ANKRD1: variants seen among roughly 807,000 people sequenced by gnomAD.
ANKRD1 encodes the protein ankyrin repeat domain-containing protein 1.
A neutral mutation model predicts 40.1 loss-of-function variants in ANKRD1; 32 were observed. That is an observed-to-expected ratio of 0.80 (90% confidence interval 0.60 to 1.07). ANKRD1 has a LOEUF of 1.07. Among genes scored for constraint, ANKRD1 ranks in the 50% least tolerant of loss-of-function variants. The pLI, the probability that ANKRD1 is intolerant of heterozygous loss-of-function variation, is 0.00. For synonymous variants in ANKRD1, 149 were observed against 141.2 expected, an observed-to-expected ratio of 1.06 and a Z score of -0.39; for missense variants, 359 against 386.0, an observed-to-expected ratio of 0.93 and a Z score of 0.59.
At chr10:90,915,981 C>G in intron 6 of ANKRD1, 101 bp from the exon 7 acceptor site, 1 of 1,191,700 alleles carries the variant, frequency 8.4e-7, no homozygotes, top group African/African-American at 1.6e-5. Context: ...ACTAGGGTGC[C>G]TGCACACAGC....
intron 4 of ANKRD1, among the ~76,000 whole-genome samples, chr10:90,918,061 G>A (rs1040639152): frequency 2.0e-5 from 3 of 152,204 alleles, no homozygotes; most frequent in Admixed American, 6.5e-5. Context: ...AAAGGCCTAC[G>A]TTGAGGAGTG....
At chr10:90,916,333 T>A in intron 5 of ANKRD1, 64 bp from the exon 6 acceptor site, 1 of 1,208,596 alleles carries the variant, frequency 8.3e-7, no homozygotes, top group Non-Finnish European at 1.2e-6. Context: ...TAGAACCTGG[T>A]TGCTAGGGCA....
intron 8 of ANKRD1, among the ~76,000 whole-genome samples, chr10:90,914,136 G>A (rs946201897): frequency 6.6e-6 from 1 of 152,110 alleles, no homozygotes; most frequent in Non-Finnish European, 1.5e-5. Context: ...TGAATATACA[G>A]TTTTGGATAA....
chr10:90,917,806 C>T lies in ANKRD1; in HGVS notation c.478G>A (p.Ala160Thr), dbSNP rs777177504. The T allele has an allele frequency of 1.2e-6, 2 of 1,613,864 alleles. No homozygotes were observed. The highest frequency in any genetic ancestry group is 3.3e-5 in the Admixed American group (2 of 60,002). ...DEYKRTALHR[A>T]CLEGHLAIVE... ...ATTGCCAAATGTCCTTCCAAGCATG[C>T]TCTATGAAGAGCTGTCCGTTTATAC... Residue 160 changes from alanine to threonine, a missense_variant, in exon 5 of 9, where the codon GCA (alanine) becomes ACA (threonine). Physicochemically the swap from Ala to Thr is moderately conservative, Grantham distance 58. Coordinates refer to ENST00000371697, the MANE Select transcript of ANKRD1 (RefSeq NM_014391.3).
At chr10:90,918,093 A>G (rs1299005072) in intron 4 of ANKRD1, among the ~76,000 whole-genome samples, 3 of 121,580 alleles carry the variant, frequency 2.5e-5, no homozygotes, top group Admixed American at 8.1e-5. Flanking sequence ...GCTCAAAACT[A>G]TCTAAATGCT....
Position 90,916,222 on chromosome 10 carries a change from A to G in ANKRD1, c.600T>C (p.Asp200=). The change falls in exon 6 of 9, where the codon GAT becomes GAC. Residue 200 remains aspartate (D), a synonymous_variant. Transcript: ENST00000371697. The part of the protein sequence containing the change: ...IHWASRGGNL[D]VLKLLLNKGA... ...CTTTATTCAGCAACAATTTTAAAAC[A>G]TCCAGGTTTCCTCCACGGCTTGCCC... is the stretch of plus-strand genomic sequence containing the variant. 1 of 1,614,014 alleles carries G rather than the reference A, an allele frequency of 6.2e-7. No individual in the cohort carries two copies. The highest frequency in any genetic ancestry group is 8.5e-7 in the Non-Finnish European group (1 of 1,179,970).
chr10:90,912,917 G>C lies in ANKRD1; in HGVS notation c.909C>G (p.Phe303Leu), dbSNP rs765093690. The C allele has an allele frequency of 6.2e-7, 1 of 1,613,932 alleles. No homozygotes were observed. Among genetic ancestry groups the C allele is most frequent in the African/African-American group, 1.3e-5 (1 of 74,908 alleles). ...TGTAGGAGTTCTCTCTGAGGCTGTC[G>C]AATATTGCTTTGGTTCCATTCTGCC... The part of the protein sequence containing the change: ...LHWQNGTKAI[F>L]DSLRENSYKT... The change falls in exon 9 of 9, where the codon TTC becomes TTG. Residue 303 changes from phenylalanine (F) to leucine (L), a missense_variant. Coordinates refer to ENST00000371697, the MANE Select transcript of ANKRD1 (RefSeq NM_014391.3).
At chr10:90,915,690 T>G in intron 7 of ANKRD1, 49 bp from the exon 8 acceptor site, 1 of 1,609,436 alleles carries the variant, frequency 6.2e-7, no homozygotes, top group East Asian at 2.2e-5. Context: ...GGCCAGGAAG[T>G]GGGTCCTGCA....
At chr10:90,915,509 C>A (rs775558238) in intron 8 of ANKRD1, 34 bp downstream of exon 8, 1 of 1,585,100 alleles carries the variant, frequency 6.3e-7, no homozygotes, top group African/African-American at 1.3e-5. Context: ...AATTGGAAAG[C>A]TTGCAAGCGG....
rs370709323 is a variant in ANKRD1 at position 90,917,125 on chromosome 10, G to T, written c.552+607C>A. ...GTCCCTTGGATTTCTTTGATATCCC[G>T]TTGCCGCTTTGCTATAAAGTCAAAA... On this transcript the variant is annotated intron_variant, in intron 5 of 8. Transcript: ENST00000371697. Among the ~76,000 whole-genome samples, 4 of 152,038 alleles carry T rather than the reference G, an allele frequency of 2.6e-5. No homozygotes were observed. In the East Asian group the frequency reaches 7.7e-4, roughly 29 times the overall value.
intron 6 of ANKRD1, 97 bp from the exon 7 acceptor site, chr10:90,915,977 G>A: frequency 7.9e-7 from 1 of 1,259,698 alleles, no homozygotes. Context: ...GGTCACTAGG[G>A]TGCCTGCACA....
chr10:90,912,291 T>TTAAAA lies in ANKRD1; in HGVS notation c.*574_*575insTTTTA, dbSNP rs886047476. 2.8e-5 allele frequency: 2 copies of TTAAAA among 70,616 alleles called. No homozygotes were observed. Among genetic ancestry groups the TTAAAA allele is most frequent in the Non-Finnish European group, 5.7e-5 (2 of 35,234 alleles). 4.4% of individuals were successfully genotyped at this position (70,616 alleles called of 1,614,324 possible). On this transcript the variant is annotated 3_prime_UTR_variant, in exon 9 of 9. Coordinates refer to ENST00000371697, the MANE Select transcript of ANKRD1 (RefSeq NM_014391.3). ...TCACTTGGGTACTCTGTGTACTCGGTAAAAAAAAAAAAAAAAAAAAAAAAA... is the reference window on the plus strand; with the variant it reads ...TCACTTGGGTACTCTGTGTACTCGGTTAAAAAAAAAAAAAAAAAAAAAAAAAAAAA...
At chr10:90,918,672 G>A (rs1015361569) in intron 4 of ANKRD1, among the ~76,000 whole-genome samples, 193 bp downstream of exon 4, 10 of 151,986 alleles carry the variant, frequency 6.6e-5, no homozygotes, top group East Asian at 3.9e-4. Flanking sequence ...AATGCAATCC[G>A]TATCACTGAT....
intron 7 of ANKRD1, 34 bp downstream of exon 7, chr10:90,915,748 G>T: frequency 1.9e-6 from 3 of 1,613,040 alleles, no homozygotes; most frequent in Non-Finnish European, 2.5e-6. Context: ...AAGCAATGAA[G>T]CTTTGGGAAA....
Position 90,918,090 on chromosome 10 carries a change from ACTATCTAAATG to A in ANKRD1, c.454-271_454-261del, listed in dbSNP as rs78440918. 0.11 allele frequency among the ~76,000 whole-genome samples: 16,389 copies of A among 152,224 alleles called. 1,148 individuals are homozygous for A. Among genetic ancestry groups the A allele is most frequent in the Non-Finnish European group, 0.16 (10,875 of 67,974 alleles). ...AGGAGTGTGAACTTAAAGGCTCAAA[ACTATCTAAATG>A]CTGACATCTCCGTTTCTTCTATCTT... On this transcript the variant is annotated intron_variant, in intron 4 of 8. Transcript: ENST00000371697.
rs775789003 is a variant in ANKRD1, at chr10:90,918,868, A to T, written c.450T>A (p.Asp150Glu). ...LSDKNNPDVCDEYKRTALHRA... is the reference protein window; with the variant it reads ...LSDKNNPDVCEEYKRTALHRA... ...CAGTGCTTTGCATGAGTCTTACCTC[A>T]TCACAAACATCTGGATTGTTCTTGT... The change falls in exon 4 of 9, where the codon GAT (aspartate) becomes GAA (glutamate). Residue 150 changes from aspartate (D) to glutamate (E), a missense_variant. Physicochemically the swap from Asp to Glu is conservative, Grantham distance 45 (BLOSUM62 2). Coordinates refer to ENST00000371697, the MANE Select transcript of ANKRD1 (RefSeq NM_014391.3). The T allele has an allele frequency of 1.9e-6, 3 of 1,608,508 alleles. No homozygotes were observed. The highest frequency in any genetic ancestry group is 2.2e-5 in the South Asian group (2 of 90,952).
rs1316020181 is a variant in ANKRD1 at position 90,920,258 on chromosome 10, C to G, written c.118G>C (p.Glu40Gln). 2 of 1,614,162 alleles carry G rather than the reference C, an allele frequency of 1.2e-6. No homozygotes were observed. Among genetic ancestry groups the G allele is most frequent in the African/African-American group, 2.7e-5 (2 of 75,048 alleles). Residue 40 changes from glutamate to glutamine, a missense_variant, in exon 2 of 9, where the codon GAG becomes CAG. Coordinates refer to ENST00000371697, the MANE Select transcript of ANKRD1 (RefSeq NM_014391.3). ...DGEYEAAVTL[E>Q]KQEDLKTLLA... ...AGTGTCTTCAGATCCTCCTGCTTCT[C>G]TAAAGTAACAGCAGCTTCATACTCT...
chr10:90,918,415 A>G (rs1847395703), intron 4 of ANKRD1, among the ~76,000 whole-genome samples: 1 of 152,078 alleles, frequency 6.6e-6, no homozygotes, highest in Non-Finnish European at 1.5e-5. Context: ...AGATAAGGAA[A>G]CCACAGCCCA....
At position 90,917,946 on chromosome 10, in the gene ANKRD1, C is replaced by G. The variant is rs532977069; in HGVS notation, c.454-116G>C. 157 of 782,800 alleles carry G rather than the reference C, an allele frequency of 2.0e-4. 1 individual carries two copies. In the South Asian group the frequency reaches 2.5e-3, roughly 12 times the overall value. The allele number at this position is 782,800 out of a possible 1,614,324, so 48.5% of individuals were successfully genotyped here. A position where few individuals can be genotyped will look rare whatever the true frequency, so the allele number is the denominator to read the frequency against. On this transcript the variant is annotated intron_variant, in intron 4 of 8. Coordinates refer to ENST00000371697, the MANE Select transcript of ANKRD1 (RefSeq NM_014391.3). ...GACCTAACTGATAGAAACTCAAGTG[C>G]TTCTTTATGAATAGAAATGTCAAAG...
Sources: gnomAD v4.1 joint callset for allele counts (sites outside exome capture counted in the v4.1 genomes callset) on GRCh38, gnomAD v4.1.1 for gene constraint, MANE v1.5 for transcripts, NCBI Gene and HGNC (gene_info 2026-07-23, HGNC 2026-07-21) for gene names.